Variants in JAKMIP1 observed in about 807,000 individuals in gnomAD.
JAKMIP1 encodes the protein janus kinase and microtubule interacting protein 1.
In JAKMIP1, 33 loss-of-function variants were observed where a neutral mutation model predicts 113.0. That is an observed-to-expected ratio of 0.29 (90% confidence interval 0.22 to 0.39). JAKMIP1 has a LOEUF of 0.39. Ranked by LOEUF, JAKMIP1 falls within the 10% of genes least tolerant of loss-of-function variation. The probability of loss-of-function intolerance (pLI) is 1.00; values close to 1 mark genes in which losing one functional copy is unlikely to be tolerated. For missense variants in JAKMIP1, 813 were observed against 1,080.5 expected (o/e 0.75, Z 3.47); for synonymous variants, 480 against 459.9 (o/e 1.04, Z -0.56).
At chr4:6,161,106 TCTGATCTCCACTCATCTCCC>T (rs1722880522) in intron 1 of JAKMIP1, among the ~76,000 whole-genome samples, 2 of 118,054 alleles carry the variant, frequency 1.7e-5, no homozygotes, top group Admixed American at 1.7e-4. Flanking sequence ...ACTCACCTCC[TCTGATCTCCACTCATCTCCC>T]CTGATCTCCA....
chr4:6,170,889 C>T (rs1724532265), intron 1 of JAKMIP1, among the ~76,000 whole-genome samples: 1 of 150,568 alleles, frequency 6.6e-6, no homozygotes, highest in South Asian at 2.1e-4. Flanking sequence ...TCCATCACCT[C>T]CACCACCACC....
At chr4:6,123,195 G>A (rs1190706680) in intron 1 of JAKMIP1, among the ~76,000 whole-genome samples, 1 of 152,230 alleles carries the variant, frequency 6.6e-6, no homozygotes, top group South Asian at 2.1e-4. Context: ...GAACAGAGCT[G>A]TTGCCACTGG....
At chr4:6,111,523 C>A (rs1714930007) in intron 2 of JAKMIP1, among the ~76,000 whole-genome samples, 1 of 152,200 alleles carries the variant, frequency 6.6e-6, no homozygotes, top group Non-Finnish European at 1.5e-5. Context: ...TTAATCAGAT[C>A]CTCATGACCA....
At chr4:6,052,574 A>G (rs544386627) in intron 13 of JAKMIP1, among the ~76,000 whole-genome samples, 71 of 143,844 alleles carry the variant, frequency 4.9e-4, no homozygotes, top group Non-Finnish European at 7.9e-4. Flanking sequence ...CACACTCGGG[A>G]GGCAGAGGTT....
In JAKMIP1 at chr4:6,088,080, C is replaced by A. The variant is rs1721546713; in HGVS notation, c.625-2451G>T. 6.6e-6 allele frequency among the ~76,000 whole-genome samples: 1 copy of A among 152,222 alleles called. No individual in the cohort carries two copies. The highest frequency in any genetic ancestry group is 2.4e-5 in the African/African-American group (1 of 41,450). Reference sequence around the variant, plus strand: ...AGAAGGAGTTTATTCATTTAATTCACTCAAGCACGCTTTCATTAACTCAAC... The same window carrying A: ...AGAAGGAGTTTATTCATTTAATTCAATCAAGCACGCTTTCATTAACTCAAC... On this transcript the variant is annotated intron_variant, in intron 3 of 20. Transcript: ENST00000409021. This position sits in a 1 kb window ranked among gnomAD's most constrained non-coding sequence, Gnocchi z 5.5.
In JAKMIP1 at chr4:6,176,346, T is replaced by C. The variant is rs897867919; in HGVS notation, c.-148+23907A>G. Among the ~76,000 whole-genome samples, 1 of 152,022 alleles carries C rather than the reference T, an allele frequency of 6.6e-6. No individual in the cohort carries two copies. The highest frequency in any genetic ancestry group is 2.4e-5 in the African/African-American group (1 of 41,376). ...TAGGCTGTGTCCTGGTCTGGTGGGGTATGAAGATCCCTGAGGTGAACCATG... is the reference window on the plus strand; with the variant it reads ...TAGGCTGTGTCCTGGTCTGGTGGGGCATGAAGATCCCTGAGGTGAACCATG... On this transcript the variant is annotated intron_variant, in intron 1 of 20. Coordinates refer to ENST00000409021, the MANE Select transcript of JAKMIP1 (RefSeq NM_001099433.2). This position sits in a 1 kb window ranked among gnomAD's most constrained non-coding sequence, Gnocchi z 5.5.
intron 19 of JAKMIP1, among the ~76,000 whole-genome samples, chr4:6,033,006 C>A (rs1712945307): frequency 6.6e-6 from 1 of 152,252 alleles, no homozygotes; most frequent in Admixed American, 6.5e-5. Context: ...TGCTACTGAA[C>A]CCTCAGAGAG....
intron 1 of JAKMIP1, among the ~76,000 whole-genome samples, chr4:6,195,268 G>A (rs1378233358): frequency 6.6e-6 from 1 of 152,226 alleles, no homozygotes; most frequent in Non-Finnish European, 1.5e-5. Context: ...ACAGCACATG[G>A]CATCAGTGAA....
chr4:6,174,613 C>T (rs1430392350), intron 1 of JAKMIP1, among the ~76,000 whole-genome samples: 1 of 152,160 alleles, frequency 6.6e-6, no homozygotes. Context: ...GAGGTCGCAA[C>T]ACTGCTGCAG....
intron 8 of JAKMIP1, among the ~76,000 whole-genome samples, chr4:6,072,623 C>T (rs890817040): frequency 6.6e-6 from 1 of 152,216 alleles, no homozygotes; most frequent in African/African-American, 2.4e-5. Flanking sequence ...CTACTATTAG[C>T]CTCTCTGAGT....
In JAKMIP1 at chr4:6,066,574, G is replaced by A. The variant is rs566076508; in HGVS notation, c.1303-1566C>T. Among the ~76,000 whole-genome samples the A allele has an allele frequency of 1.9e-4, 29 of 152,110 alleles. 1 individual carries two copies. Among genetic ancestry groups the A allele is most frequent in the South Asian group, 1.7e-3 (8 of 4,806 alleles). On this transcript the variant is annotated intron_variant, in intron 8 of 20. Transcript: ENST00000409021. ...ACTTACCCCCAACACCGCACCTCCC[G>A]CAATCTAACCTGAGTCCAGCAGCAG...
intron 11 of JAKMIP1, among the ~76,000 whole-genome samples, chr4:6,057,063 C>T (rs567958781): frequency 5.3e-5 from 8 of 152,204 alleles, no homozygotes; most frequent in South Asian, 2.1e-4. Context: ...AGACCCTCCA[C>T]GCATGCGGAA....
At position 6,042,035 on chromosome 4, in the gene JAKMIP1, G is replaced by T; in HGVS notation, c.2097+124C>A. On this transcript the variant is annotated intron_variant, in intron 17 of 20. Coordinates refer to ENST00000409021, the MANE Select transcript of JAKMIP1 (RefSeq NM_001099433.2). The surrounding 1 kb of genome is among the most constrained non-coding windows in gnomAD (Gnocchi z 5.2). ...ACAATTACTTAGAACAACCACTGGGGCAAAAGCAAAATTGAGAAATGCATG... is the reference window on the plus strand; with the variant it reads ...ACAATTACTTAGAACAACCACTGGGTCAAAAGCAAAATTGAGAAATGCATG... 1.3e-6 allele frequency: 1 copy of T among 764,800 alleles called. No homozygotes were observed. Among genetic ancestry groups the T allele is most frequent in the Non-Finnish European group, 2.2e-6 (1 of 453,776 alleles). 47.4% of individuals were successfully genotyped at this position (764,800 alleles called of 1,614,324 possible).
chr4:6,163,600 C>T (rs1470648349), intron 1 of JAKMIP1, among the ~76,000 whole-genome samples: 2 of 152,176 alleles, frequency 1.3e-5, no homozygotes, highest in Non-Finnish European at 1.5e-5. Context: ...GCATGTCTCT[C>T]ACTTTAAATC....
At chr4:6,057,138 C>T (rs1400971747) in intron 11 of JAKMIP1, among the ~76,000 whole-genome samples, 1 of 152,206 alleles carries the variant, frequency 6.6e-6, no homozygotes, top group Admixed American at 6.5e-5. Flanking sequence ...ATTCCACTCT[C>T]TCTGCCTGCG....
At chr4:6,169,265 G>A (rs1361757028) in intron 1 of JAKMIP1, among the ~76,000 whole-genome samples, 1 of 152,162 alleles carries the variant, frequency 6.6e-6, no homozygotes, top group Non-Finnish European at 1.5e-5. Flanking sequence ...TCCTGCAGGT[G>A]TCATGAGTTA....
In JAKMIP1 at chr4:6,176,952, G is replaced by T. The variant is rs1261062595; in HGVS notation, c.-148+23301C>A. Among the ~76,000 whole-genome samples, 1 of 152,180 alleles carries T rather than the reference G, an allele frequency of 6.6e-6. No individual in the cohort carries two copies. The highest frequency in any genetic ancestry group is 2.4e-5 in the African/African-American group (1 of 41,452). ...GGAGGCTGAGGTGGGAGGATCGCTTGCATCGGGGAGGTTGAGGCTGCAGTG... is the reference window on the plus strand; with the variant it reads ...GGAGGCTGAGGTGGGAGGATCGCTTTCATCGGGGAGGTTGAGGCTGCAGTG... On this transcript the variant is annotated intron_variant, in intron 1 of 20. Coordinates refer to ENST00000409021, the MANE Select transcript of JAKMIP1 (RefSeq NM_001099433.2). The surrounding 1 kb of genome is among the most constrained non-coding windows in gnomAD (Gnocchi z 5.5).
At chr4:6,029,635 T>G in intron 20 of JAKMIP1, 81 bp downstream of exon 20, 1 of 922,402 alleles carries the variant, frequency 1.1e-6, no homozygotes, top group South Asian at 1.4e-5. Context: ...GTCTATGCTT[T>G]GGACCTTATG....
intron 3 of JAKMIP1, among the ~76,000 whole-genome samples, chr4:6,098,585 G>GAAAGAAAGAAAGAAAGAAAGAAA (rs1712298380): frequency 2.3e-5 from 2 of 85,538 alleles, no homozygotes; most frequent in African/African-American, 1.0e-4. Context: ...AAAGAAAGAA[G>GAAAGAAAGAAAGAAAGAAAGAAA]GAAAGGAAGA....
Sources: gnomAD v4.1 joint callset for allele counts (sites outside exome capture counted in the v4.1 genomes callset) on GRCh38, gnomAD v4.1.1 for gene constraint, Gnocchi (gnomAD v3.1) non-coding constraint, MANE v1.5 for transcripts, NCBI Gene and HGNC (gene_info 2026-07-23, HGNC 2026-07-21) for gene names.